The following SMPDL3A variants were observed in gnomAD, a reference collection of about 807,000 sequenced individuals.
The protein encoded by SMPDL3A is sphingomyelin phosphodiesterase acid like 3A, also known as cyclic GMP-AMP phosphodiesterase SMPDL3A.
A neutral mutation model predicts 38.5 loss-of-function variants in SMPDL3A; 39 were observed. The ratio of observed to expected loss-of-function variants is 1.01; its 90% confidence interval spans 0.78 to 1.32. The LOEUF (loss-of-function observed/expected upper bound fraction) is 1.32. Ranked by LOEUF, SMPDL3A falls within the 40% of genes most tolerant of loss-of-function variation. The pLI, the probability that SMPDL3A is intolerant of heterozygous loss-of-function variation, is 0.00. For missense variants in SMPDL3A, 502 were observed against 536.2 expected (o/e 0.94, Z 0.63); for synonymous variants, 180 against 194.3 (o/e 0.93, Z 0.61).
Position 122,795,777 on chromosome 6 carries a change from C to T in SMPDL3A, c.213C>T (p.Ser71=), listed in dbSNP as rs776374695. ...CTTCATCTAAAGGTGCAAATGCCTC[C>T]AACCCTGGCCCTTTTGGAGATGTTC... ...VCASSKGANA[S]NPGPFGDVLC... Residue 71 remains serine (S), a synonymous_variant, in exon 2 of 8, where the codon TCC becomes TCT. Transcript: ENST00000368440. 1.2e-6 allele frequency: 2 copies of T among 1,614,100 alleles called. No homozygotes were observed. The highest frequency in any genetic ancestry group is 2.2e-5 in the South Asian group (2 of 91,084).
At chr6:122,805,163 C>T in intron 6 of SMPDL3A, 74 bp downstream of exon 6, 2 of 1,264,576 alleles carry the variant, frequency 1.6e-6, no homozygotes, top group South Asian at 1.7e-5. Context: ...AGTAAATTTG[C>T]TGATTTAGTA....
In SMPDL3A at chr6:122,809,566, T is replaced by G. The variant is rs1781781688; in HGVS notation, c.*158T>G. 1.7e-6 allele frequency: 1 copy of G among 578,872 alleles called. No individual in the cohort carries two copies. Among genetic ancestry groups the G allele is most frequent in the African/African-American group, 1.9e-5 (1 of 53,522 alleles). 35.9% of individuals were successfully genotyped at this position (578,872 alleles called of 1,614,324 possible). ...TTTTTGATGCCTTAATGTAGATATC[T>G]TTATCATTCTGAATTGTATTATATA... is the stretch of plus-strand genomic sequence containing the variant. On this transcript the variant is annotated 3_prime_UTR_variant, in exon 8 of 8. Transcript: ENST00000368440.
In SMPDL3A at chr6:122,801,315, A is replaced by G; in HGVS notation, c.477A>G (p.Gln159=). The G allele has an allele frequency of 1.9e-6, 3 of 1,610,264 alleles. No homozygotes were observed. Among genetic ancestry groups the G allele is most frequent in the Non-Finnish European group, 2.5e-6 (3 of 1,177,050 alleles). Residue 159 remains glutamine (Q), a synonymous_variant, in exon 4 of 8, where the codon CAA becomes CAG. Transcript: ENST00000368440. ...LGNHDYWPQD[Q]LPVVTSKVYN... ...ATTATATTGTTTGTGGCCAGGATCA[A>G]CTGCCTGTAGTCACCAGTAAAGTGT... is the stretch of plus-strand genomic sequence containing the variant.
At chr6:122,793,591 A>G (rs72968544) in intron 1 of SMPDL3A, among the ~76,000 whole-genome samples, 23,808 of 152,156 alleles carry the variant, frequency 0.16, 2,516 homozygotes, top group Middle Eastern at 0.26. Context: ...TTTCTGCATT[A>G]TGGAATAAAA....
At chr6:122,794,782 G>T (rs966488960) in intron 1 of SMPDL3A, among the ~76,000 whole-genome samples, 1 of 152,114 alleles carries the variant, frequency 6.6e-6, no homozygotes, top group African/African-American at 2.4e-5. Flanking sequence ...TAGCTTTTAA[G>T]AAGCTTTGGG....
chr6:122,809,362 C>T lies in SMPDL3A; in HGVS notation c.1316C>T (p.Ser439Phe), dbSNP rs1279857416. 7.4e-6 allele frequency: 12 copies of T among 1,613,678 alleles called. No individual in the cohort carries two copies. Among genetic ancestry groups the T allele is most frequent in the Non-Finnish European group, 8.5e-6 (10 of 1,179,912 alleles). The part of the protein sequence containing the change: ...ICAIMNLDNI[S>F]YADCLKQLYI... ...GCAATTATGAATCTTGATAATATTT[C>T]CTATGCAGATTGCCTCAAACAGCTT... Residue 439 changes from serine to phenylalanine, a missense_variant, in exon 8 of 8, where the codon TCC (serine) becomes TTC (phenylalanine). Ser to Phe is a radical substitution (Grantham distance 155). Transcript: ENST00000368440.
chr6:122,799,541 G>A (rs1781355929), intron 3 of SMPDL3A, among the ~76,000 whole-genome samples: 1 of 152,116 alleles, frequency 6.6e-6, no homozygotes, highest in South Asian at 2.1e-4. Context: ...TAAATAAATG[G>A]CCAAGACTTT....
chr6:122,793,668 T>G (rs996469987), intron 1 of SMPDL3A, among the ~76,000 whole-genome samples: 1 of 152,230 alleles, frequency 6.6e-6, no homozygotes, highest in Admixed American at 6.5e-5. Flanking sequence ...ATACTACTAC[T>G]TTCTTCTGGA....
chr6:122,806,557 T>C (rs1015943957), intron 7 of SMPDL3A, among the ~76,000 whole-genome samples, 200 bp downstream of exon 7: 5 of 152,256 alleles, frequency 3.3e-5, no homozygotes, highest in African/African-American at 1.2e-4. Flanking sequence ...TTTGGAAGGC[T>C]GTTTCTGTTC....
In SMPDL3A at chr6:122,809,101, A is replaced by G. The variant is rs762223398; in HGVS notation, c.1055A>G (p.Gln352Arg). 42 of 1,613,476 alleles carry G rather than the reference A, an allele frequency of 2.6e-5. No individual in the cohort carries two copies. Among genetic ancestry groups the G allele is most frequent in the Middle Eastern group, 1.6e-4 (1 of 6,078 alleles). Reference protein sequence around the residue: ...PRDYKLLDMLQYYLNLTEANL... With the variant: ...PRDYKLLDMLRYYLNLTEANL... ...TGTTCTTAACTGCAGGATATGTTGCAGTATTACTTGAATCTGACAGAGGCG... is the reference window on the plus strand; with the variant it reads ...TGTTCTTAACTGCAGGATATGTTGCGGTATTACTTGAATCTGACAGAGGCG... The change falls in exon 8 of 8, where the codon CAG (glutamine) becomes CGG (arginine). Residue 352 changes from glutamine (Q) to arginine (R), a missense_variant. Coordinates refer to ENST00000368440, the MANE Select transcript of SMPDL3A (RefSeq NM_006714.5).
chr6:122,803,998 T>TTA (rs1781514827), intron 5 of SMPDL3A, among the ~76,000 whole-genome samples, 165 bp downstream of exon 5: 2 of 151,650 alleles, frequency 1.3e-5, no homozygotes, highest in Non-Finnish European at 2.9e-5. Context: ...TTTTTTTTTT[T>TTA]AAATTTCGAG....
At chr6:122,801,592 T>C (rs1347907525) in intron 4 of SMPDL3A, among the ~76,000 whole-genome samples, 186 bp downstream of exon 4, 1 of 152,258 alleles carries the variant, frequency 6.6e-6, no homozygotes, top group Non-Finnish European at 1.5e-5. Flanking sequence ...CAGGGAGCTC[T>C]TCCTGTTTTT....
Position 122,809,455 on chromosome 6 carries a change from A to G in SMPDL3A, c.*47A>G. 1 of 1,379,308 alleles carries G rather than the reference A, an allele frequency of 7.3e-7. No homozygotes were observed. The highest frequency in any genetic ancestry group is 1.3e-5 in the South Asian group (1 of 75,472). 85.4% of individuals were successfully genotyped at this position (1,379,308 alleles called of 1,614,324 possible). A position where few individuals can be genotyped will look rare whatever the true frequency, so the allele number is the denominator to read the frequency against. On this transcript the variant is annotated 3_prime_UTR_variant, in exon 8 of 8. Transcript: ENST00000368440. ...AGAAAATGCTGATTCTGATTCTGAG[A>G]TCAATTTGTGGGAATTTTACATAAA...
chr6:122,795,048 C>A (rs1328737570), intron 1 of SMPDL3A, among the ~76,000 whole-genome samples: 1 of 152,170 alleles, frequency 6.6e-6, no homozygotes, highest in South Asian at 2.1e-4. Context: ...CATCATTGGC[C>A]TCTCCGAAGG....
rs766311500 is a variant in SMPDL3A at position 122,804,889 on chromosome 6, T to G, written c.739-20T>G. The G allele has an allele frequency of 6.3e-7, 1 of 1,585,528 alleles. No homozygotes were observed. Among genetic ancestry groups the G allele is most frequent in the Non-Finnish European group, 8.5e-7 (1 of 1,171,108 alleles). ...GTGCAGAAAGATTCTCATGAGGCCT[T>G]TTTGTGTTTCTTTTTCCAGGTGTAT... On this transcript the variant is annotated intron_variant, in intron 5 of 7. Transcript: ENST00000368440.
intron 1 of SMPDL3A, 37 bp from the exon 2 acceptor site, chr6:122,795,640 C>T (rs1420730090): frequency 2.0e-6 from 3 of 1,471,474 alleles, no homozygotes; most frequent in South Asian, 2.3e-5. Flanking sequence ...CAAAAGAGAA[C>T]AAGTAGATTT....
At chr6:122,805,263 T>C (rs775446802) in intron 6 of SMPDL3A, among the ~76,000 whole-genome samples, 174 bp downstream of exon 6, 1 of 152,198 alleles carries the variant, frequency 6.6e-6, no homozygotes, top group Non-Finnish European at 1.5e-5. Context: ...ATCACAACAT[T>C]AGGCCTGCAG....
rs775396334 is a variant in SMPDL3A, at chr6:122,789,502, C to G, written c.112+44C>G. The G allele has an allele frequency of 2.7e-6, 4 of 1,483,830 alleles. No homozygotes were observed. The African/African-American group carries it at 4.2e-5, about 16-fold the overall frequency. 91.9% of individuals were successfully genotyped at this position (1,483,830 alleles called of 1,614,324 possible). ...TTCTCTTCCCAGCCGGCAAAGAGCG[C>G]GGAGCGGCGGCGCCTGCGCACAGCA... On this transcript the variant is annotated intron_variant, in intron 1 of 7. Transcript: ENST00000368440.
Position 122,789,277 on chromosome 6 carries a change from C to A in SMPDL3A, c.-70C>A. Reference sequence around the variant, plus strand: ...GCAGCCGTCTTCTGTCTCCGCCTCACCCTCAGGCCTGACGGTCCGAGTGGA... The same window carrying A: ...GCAGCCGTCTTCTGTCTCCGCCTCAACCTCAGGCCTGACGGTCCGAGTGGA... On this transcript the variant is annotated 5_prime_UTR_variant, in exon 1 of 8. Transcript: ENST00000368440. 2 of 1,126,872 alleles carry A rather than the reference C, an allele frequency of 1.8e-6. No individual in the cohort carries two copies. The highest frequency in any genetic ancestry group is 2.5e-6 in the Non-Finnish European group (2 of 793,654). The allele number at this position is 1,126,872 out of a possible 1,614,324, so 69.8% of individuals were successfully genotyped here. A position where few individuals can be genotyped will look rare whatever the true frequency, so the allele number is the denominator to read the frequency against.
Sources: allele counts gnomAD v4.1 joint callset (sites outside exome capture counted in the v4.1 genomes callset), GRCh38; gene constraint gnomAD v4.1.1; transcripts MANE v1.5; gene names NCBI Gene and HGNC (gene_info 2026-07-23, HGNC 2026-07-21).